Variants in KIAA1614 observed in about 807,000 individuals in gnomAD.
The protein encoded by KIAA1614 is KIAA1614.
A neutral mutation model predicts 88.7 loss-of-function variants in KIAA1614; 76 were observed. That is an observed-to-expected ratio of 0.86 (90% CI 0.71 to 1.04). KIAA1614 has a LOEUF of 1.04. KIAA1614 is among the 50% of genes least tolerant of loss of function. The pLI is 0.00. For synonymous variants in KIAA1614, 714 were observed against 675.5 expected (o/e 1.06, Z -0.88); for missense variants, 1,553 against 1,582.5 (o/e 0.98, Z 0.32).
At chr1:180,928,598 G>C in intron 4 of KIAA1614, 25 bp downstream of exon 4, 1 of 1,604,250 alleles carries the variant, frequency 6.2e-7, no homozygotes, top group South Asian at 1.1e-5. Flanking sequence ...GGCCAGGCTA[G>C]CCTGGGAGGG....
chr1:180,916,453 A>C lies in KIAA1614; in HGVS notation c.350A>C (p.Gln117Pro). ...GAGTGGTCATCCCCCAAGAAACCCC[A>C]ATGCAGACGAGGCAAGGCAGGGAGA... ...SQEWSSPKKP[Q>P]CRRGKAGRAG... The change falls in exon 2 of 9, where the codon CAA becomes CCA. Residue 117 changes from glutamine to proline, a missense_variant. Coordinates refer to ENST00000367588, the MANE Select transcript of KIAA1614 (RefSeq NM_020950.2). 1 of 1,614,160 alleles carries C rather than the reference A, an allele frequency of 6.2e-7. No homozygotes were observed. Among genetic ancestry groups the C allele is most frequent in the Non-Finnish European group, 8.5e-7 (1 of 1,180,022 alleles).
At chr1:180,922,731 A>G (rs773990658) in intron 3 of KIAA1614, among the ~76,000 whole-genome samples, 12 of 152,194 alleles carry the variant, frequency 7.9e-5, no homozygotes, top group Non-Finnish European at 1.5e-4. Flanking sequence ...AAGCCACCAG[A>G]GCGTGTGCAG....
chr1:180,939,095 C>A (rs930977986), intron 6 of KIAA1614, among the ~76,000 whole-genome samples: 1 of 134,812 alleles, frequency 7.4e-6, no homozygotes. Flanking sequence ...TTCTCTCCTT[C>A]AGCTCAGGCA....
intron 3 of KIAA1614, among the ~76,000 whole-genome samples, chr1:180,920,561 T>C (rs1157639497): frequency 6.6e-6 from 1 of 152,168 alleles, no homozygotes; most frequent in Non-Finnish European, 1.5e-5. Context: ...TCACATTCAG[T>C]CAAGTGTTGC....
chr1:180,919,453 C>T (rs1653898332), intron 3 of KIAA1614, among the ~76,000 whole-genome samples: 1 of 152,234 alleles, frequency 6.6e-6, no homozygotes, highest in African/African-American at 2.4e-5. Flanking sequence ...GCTCCCCTGT[C>T]TGCGCCCTGT....
At chr1:180,927,418 G>T (rs946276251) in intron 3 of KIAA1614, among the ~76,000 whole-genome samples, 1 of 152,240 alleles carries the variant, frequency 6.6e-6, no homozygotes, top group South Asian at 2.1e-4. Flanking sequence ...TGGAGACAGT[G>T]GGCTGGCTGT....
At position 180,916,187 on chromosome 1, in the gene KIAA1614, C is replaced by T. The variant is rs149264713; in HGVS notation, c.84C>T (p.Pro28=). The change falls in exon 2 of 9, where the codon CCC becomes CCT. Residue 28 remains proline (P), a synonymous_variant. Coordinates refer to ENST00000367588, the MANE Select transcript of KIAA1614 (RefSeq NM_020950.2). ...GPKTGSGTAS[P]VEGTSAVEWS... Reference sequence around the variant, plus strand: ...AGACAGGGAGTGGAACAGCCAGCCCCGTGGAGGGGACCTCAGCTGTGGAGT... The same window carrying T: ...AGACAGGGAGTGGAACAGCCAGCCCTGTGGAGGGGACCTCAGCTGTGGAGT... The T allele has an allele frequency of 4.7e-4, 749 of 1,590,288 alleles. No individual in the cohort carries two copies. The highest frequency in any genetic ancestry group is 5.7e-4 in the Non-Finnish European group (669 of 1,168,820).
intron 7 of KIAA1614, among the ~76,000 whole-genome samples, chr1:180,942,596 C>A (rs1230761126): frequency 6.6e-6 from 1 of 152,210 alleles, no homozygotes; most frequent in Non-Finnish European, 1.5e-5. Context: ...GAGAAACCGC[C>A]GCAGATATTG....
Position 180,917,062 on chromosome 1 carries a change from C to T in KIAA1614, c.959C>T (p.Thr320Ile), listed in dbSNP as rs773892532. ...GGGCAGAGCCCCCGCAAGGTGGGAA[C>T]CCCTGCCTGGACTCCATCCTGGGAC... ...VSGQSPRKVG[T>I]PAWTPSWDTA... is the part of the protein sequence containing the mutation. The change falls in exon 2 of 9, where the codon ACC (threonine) becomes ATC (isoleucine). Residue 320 changes from threonine to isoleucine, a missense_variant. Physicochemically the swap from Thr to Ile is moderately conservative, Grantham distance 89. Coordinates refer to ENST00000367588, the MANE Select transcript of KIAA1614 (RefSeq NM_020950.2). 3 of 1,613,586 alleles carry T rather than the reference C, an allele frequency of 1.9e-6. No individual in the cohort carries two copies. The highest frequency in any genetic ancestry group is 2.2e-5 in the East Asian group (1 of 44,874).
intron 3 of KIAA1614, among the ~76,000 whole-genome samples, chr1:180,926,764 G>A (rs4651077): frequency 0.96 from 146,076 of 152,334 alleles, 70,143 homozygotes; most frequent in Middle Eastern, 1. Flanking sequence ...CTGCTGTCAG[G>A]GCAGGAGCCC....
chr1:180,915,069 G>A (rs1653747882), intron 1 of KIAA1614, among the ~76,000 whole-genome samples: 1 of 152,252 alleles, frequency 6.6e-6, no homozygotes, highest in African/African-American at 2.4e-5. Context: ...CTCCCAAAAT[G>A]CTGGGATTAC....
intron 1 of KIAA1614, among the ~76,000 whole-genome samples, chr1:180,915,559 G>A (rs1319303268): frequency 6.6e-6 from 1 of 152,188 alleles, no homozygotes; most frequent in African/African-American, 2.4e-5. Context: ...ACACTACTGA[G>A]ACTTGGAAGA....
rs1018549763 is a variant in KIAA1614 at position 180,913,233 on chromosome 1, C to T, written c.-11C>T. On this transcript the variant is annotated 5_prime_UTR_variant, in exon 1 of 9. Transcript: ENST00000367588. ...GAGAAGGGGCTGGAGAGGGCCTGGC[C>T]TCTCCGAGGGATGGAGGGGACAGAG... 5 of 1,263,238 alleles carry T rather than the reference C, an allele frequency of 4.0e-6. No individual in the cohort carries two copies. The highest frequency in any genetic ancestry group is 3.1e-5 in the African/African-American group (2 of 64,422). 78.3% of individuals were successfully genotyped at this position (1,263,238 alleles called of 1,614,324 possible).
chr1:180,941,079 C>T lies in KIAA1614; in HGVS notation c.2953C>T (p.Pro985Ser), dbSNP rs1168830928. 2 of 1,611,836 alleles carry T rather than the reference C, an allele frequency of 1.2e-6. No homozygotes were observed. The highest frequency in any genetic ancestry group is 2.2e-5 in the South Asian group (2 of 90,964). ...SAGAGTGPGS[P>S]SAAPLDQNKK... is the part of the protein sequence containing the mutation. ...AGGAGCTGGCACAGGACCCGGCTCC[C>T]CCTCGGCTGCCCCTTTGGACCAGAA... is the stretch of plus-strand genomic sequence containing the variant. The change falls in exon 7 of 9, where the codon CCC becomes TCC. Residue 985 changes from proline to serine, a missense_variant. Physicochemically the swap from Pro to Ser is moderately conservative, Grantham distance 74. Coordinates refer to ENST00000367588, the MANE Select transcript of KIAA1614 (RefSeq NM_020950.2).
chr1:180,942,406 C>T (rs1452705257), intron 7 of KIAA1614, among the ~76,000 whole-genome samples: 1 of 152,186 alleles, frequency 6.6e-6, no homozygotes, highest in Non-Finnish European at 1.5e-5. Context: ...CCCCGCTCTC[C>T]TAGGCAGAGT....
Position 180,938,634 on chromosome 1 carries a change from G to A in KIAA1614, c.2841G>A (p.Glu947=), listed in dbSNP as rs572266223. 2.5e-6 allele frequency: 4 copies of A among 1,614,190 alleles called. No individual in the cohort carries two copies. In the South Asian group the frequency reaches 4.4e-5, roughly 18 times the overall value. The stretch of plus-strand genomic sequence containing the variant: ...GCATCACCCTCTCCCTGTCCTCAGA[G>A]GAGTCAGAGTCCAGCAAGGAATCAG... ...STGITLSLSS[E]ESESSKESEG... is the part of the protein sequence containing the mutation. The change falls in exon 6 of 9, where the codon GAG becomes GAA. Residue 947 remains glutamate (E), a synonymous_variant. Transcript: ENST00000367588.
Position 180,936,181 on chromosome 1 carries a change from T to C in KIAA1614, c.2272T>C (p.Ser758Pro). The change falls in exon 5 of 9, where the codon TCG (serine) becomes CCG (proline). Residue 758 changes from serine to proline, a missense_variant. By Grantham distance (74) the Ser-to-Pro change is moderately conservative. Transcript: ENST00000367588. Reference sequence around the variant, plus strand: ...CACCGCCCCCATGACGCCTGAATCATCGGGGCCAGGAGGCCAGGCCCAGGT... The same window carrying C: ...CACCGCCCCCATGACGCCTGAATCACCGGGGCCAGGAGGCCAGGCCCAGGT... ...ATTAPMTPES[S>P]GPGGQAQVTE... is the part of the protein sequence containing the mutation. 12 of 1,614,084 alleles carry C rather than the reference T, an allele frequency of 7.4e-6. No individual in the cohort carries two copies. The highest frequency in any genetic ancestry group is 1.0e-5 in the Non-Finnish European group (12 of 1,180,008).
rs769089298 is a variant in KIAA1614, at chr1:180,941,264, A to G, written c.3138A>G (p.Pro1046=). 48 of 1,610,142 alleles carry G rather than the reference A, an allele frequency of 3.0e-5. No homozygotes were observed. The highest frequency in any genetic ancestry group is 4.0e-5 in the Non-Finnish European group (47 of 1,177,384). ...PPGLTSQSRA[P]SLQSLHPVSP... ...GCCTGACGTCACAGTCCAGGGCCCC[A>G]TCGTTACAATCCCTGCACCCGGTGA... is the stretch of plus-strand genomic sequence containing the variant. Residue 1046 remains proline, a synonymous_variant, in exon 7 of 9, where the codon CCA becomes CCG. Transcript: ENST00000367588.
At chr1:180,918,166 C>G (rs992267997) in intron 3 of KIAA1614, among the ~76,000 whole-genome samples, 2 of 152,178 alleles carry the variant, frequency 1.3e-5, no homozygotes, top group African/African-American at 2.4e-5. Flanking sequence ...TTGCTAACTA[C>G]CTGCTCCATG....
Sources: allele counts gnomAD v4.1 joint callset (sites outside exome capture counted in the v4.1 genomes callset), GRCh38; gene constraint gnomAD v4.1.1; transcripts MANE v1.5; gene names NCBI Gene and HGNC (gene_info 2026-07-23, HGNC 2026-07-21).